CCBE1: variants seen among roughly 807,000 people sequenced by gnomAD.
CCBE1 encodes the protein collagen and calcium binding EGF domains 1, also known as collagen and calcium-binding EGF domain-containing protein 1.
In CCBE1, 37 loss-of-function variants were observed where a neutral mutation model predicts 50.0. The ratio of observed to expected loss-of-function variants is 0.74; its 90% confidence interval spans 0.57 to 0.97. The LOEUF (loss-of-function observed/expected upper bound fraction) is 0.97. Ranked by LOEUF, CCBE1 falls within the 50% of genes least tolerant of loss-of-function variation. The pLI, the probability that CCBE1 is intolerant of heterozygous loss-of-function variation, is 0.00. For synonymous variants in CCBE1, 234 were observed against 203.7 expected (o/e 1.15, Z -1.27); for missense variants, 538 against 523.8 (o/e 1.03, Z -0.26).
intron 2 of CCBE1, among the ~76,000 whole-genome samples, chr18:59,607,305 C>T (rs2053511644): frequency 6.6e-6 from 1 of 152,142 alleles, no homozygotes; most frequent in South Asian, 2.1e-4. Flanking sequence ...GGCATGAAAG[C>T]CCTCTTAGAG....
At chr18:59,614,929 A>G (rs1045180194) in intron 2 of CCBE1, among the ~76,000 whole-genome samples, 4 of 152,246 alleles carry the variant, frequency 2.6e-5, no homozygotes, top group Non-Finnish European at 5.9e-5. Flanking sequence ...AAACCATAGG[A>G]TGTACCATTT....
intron 2 of CCBE1, among the ~76,000 whole-genome samples, chr18:59,544,146 A>T (rs1200821381): frequency 6.6e-6 from 1 of 152,202 alleles, no homozygotes. Context: ...GATAACAAAT[A>T]AGCAGCCGAT....
intron 2 of CCBE1, among the ~76,000 whole-genome samples, chr18:59,619,780 T>TG: frequency 6.6e-6 from 1 of 152,356 alleles, no homozygotes; most frequent in Non-Finnish European, 1.5e-5. Context: ...TCAGTGATTT[T>TG]TTTTAAACTC....
At chr18:59,534,404 T>C (rs565520128) in intron 2 of CCBE1, among the ~76,000 whole-genome samples, 52 of 152,326 alleles carry the variant, frequency 3.4e-4, no homozygotes, top group African/African-American at 1.3e-3. Flanking sequence ...ATTAAAAGCA[T>C]GAAGAATATA....
rs1032392736 is a variant in CCBE1, at chr18:59,455,177, C to T, written c.554-226G>A. The stretch of plus-strand genomic sequence containing the variant: ...GGGCCCTGCTAGAAGCTGGGCTCAG[C>T]TGTTCCTATTTAGACATGCCAGGAA... On this transcript the variant is annotated intron_variant, in intron 5 of 10. Coordinates refer to ENST00000439986, the MANE Select transcript of CCBE1 (RefSeq NM_133459.4). 11 of 637,706 alleles carry T rather than the reference C, an allele frequency of 1.7e-5. No homozygotes were observed. In the African/African-American group the frequency reaches 1.8e-4, roughly 10 times the overall value. The allele number at this position is 637,706 out of a possible 1,614,324, so 39.5% of individuals were successfully genotyped here.
At chr18:59,550,493 C>T (rs144632202) in intron 2 of CCBE1, among the ~76,000 whole-genome samples, 545 of 152,252 alleles carry the variant, frequency 3.6e-3, no homozygotes, top group African/African-American at 4.7e-3. Context: ...CACCACCCTC[C>T]GCAGTGGGCT....
At chr18:59,627,839 T>A (rs1392145642) in intron 2 of CCBE1, among the ~76,000 whole-genome samples, 1 of 152,182 alleles carries the variant, frequency 6.6e-6, no homozygotes, top group Non-Finnish European at 1.5e-5. Flanking sequence ...TAAGACACAA[T>A]TTGTTGCCTT....
intron 2 of CCBE1, among the ~76,000 whole-genome samples, chr18:59,552,357 C>T (rs570053165): frequency 4.1e-4 from 62 of 152,310 alleles, no homozygotes; most frequent in Middle Eastern, 3.4e-3. Context: ...AAGTAACACA[C>T]GTAGAGTGTT....
chr18:59,453,293 T>A (rs1022579737), intron 6 of CCBE1, among the ~76,000 whole-genome samples: 2 of 152,212 alleles, frequency 1.3e-5, no homozygotes, highest in Non-Finnish European at 1.5e-5. Flanking sequence ...AAATGCAAAC[T>A]TACTTCTTCC....
chr18:59,590,403 T>C (rs2053245725), intron 2 of CCBE1, among the ~76,000 whole-genome samples: 3 of 152,206 alleles, frequency 2.0e-5, no homozygotes, highest in Admixed American at 2.0e-4. Flanking sequence ...AAGATATTCC[T>C]TGTTCTTGGG....
At chr18:59,472,859 A>T (rs1912100786) in intron 3 of CCBE1, among the ~76,000 whole-genome samples, 1 of 152,254 alleles carries the variant, frequency 6.6e-6, no homozygotes, top group Non-Finnish European at 1.5e-5. Context: ...ATCATGGAAG[A>T]AGGCAAATGA....
intron 2 of CCBE1, among the ~76,000 whole-genome samples, chr18:59,589,790 C>CAAAAAA (rs752546235): frequency 7.0e-4 from 51 of 73,030 alleles, no homozygotes; most frequent in African/African-American, 1.8e-3. Flanking sequence ...GACTCCATCT[C>CAAAAAA]AAAAAAAAAA....
At chr18:59,522,771 T>A (rs1449541178) in intron 2 of CCBE1, among the ~76,000 whole-genome samples, 1 of 151,918 alleles carries the variant, frequency 6.6e-6, no homozygotes, top group Non-Finnish European at 1.5e-5. Context: ...GGGCGTATCA[T>A]GAGGTCAGGA....
intron 2 of CCBE1, among the ~76,000 whole-genome samples, chr18:59,640,114 T>C (rs1345350522): frequency 6.6e-6 from 1 of 152,112 alleles, no homozygotes; most frequent in African/African-American, 2.4e-5. Flanking sequence ...CTGACACTCT[T>C]CACGGAACTA....
chr18:59,599,464 C>T (rs2053401472), intron 2 of CCBE1, among the ~76,000 whole-genome samples: 1 of 152,216 alleles, frequency 6.6e-6, no homozygotes, highest in Non-Finnish European at 1.5e-5. Flanking sequence ...AAAATGGAAA[C>T]AGCAACTCTT....
At chr18:59,538,298 C>T (rs1915331739) in intron 2 of CCBE1, among the ~76,000 whole-genome samples, 1 of 152,206 alleles carries the variant, frequency 6.6e-6, no homozygotes, top group African/African-American at 2.4e-5. Flanking sequence ...AATATACATG[C>T]ACATTTGTTT....
At chr18:59,619,430 T>C (rs1225487948) in intron 2 of CCBE1, among the ~76,000 whole-genome samples, 1 of 152,240 alleles carries the variant, frequency 6.6e-6, no homozygotes, top group African/African-American at 2.4e-5. Context: ...GCAGTTGTCC[T>C]GCCTCAGCCT....
chr18:59,477,563 T>TGC (rs1912370796), intron 3 of CCBE1, among the ~76,000 whole-genome samples: 1 of 151,914 alleles, frequency 6.6e-6, no homozygotes, highest in South Asian at 2.1e-4. Flanking sequence ...TGTGTGTGTG[T>TGC]GTGCACCTGC....
chr18:59,502,893 C>A (rs1409485527), intron 2 of CCBE1, among the ~76,000 whole-genome samples: 2 of 152,150 alleles, frequency 1.3e-5, no homozygotes, highest in African/African-American at 4.8e-5. Context: ...TCTCTCCTAT[C>A]AAAGGATGCA....
Sources: allele counts gnomAD v4.1 joint callset (sites outside exome capture counted in the v4.1 genomes callset), GRCh38; gene constraint gnomAD v4.1.1; transcripts MANE v1.5; gene names NCBI Gene and HGNC (gene_info 2026-07-23, HGNC 2026-07-21).